The following AKAP19 variants were observed in gnomAD, a reference collection of about 807,000 sequenced individuals.
AKAP19 encodes small A-kinase anchoring protein.
At chr2:189,900,655 C>T in the AKAP19 span, among the ~76,000 whole-genome samples, 3 of 151,960 alleles carry the variant, frequency 2.0e-5, no homozygotes, top group Non-Finnish European at 4.4e-5. Context: ...TTTGTTAGAA[C>T]TACTATACTG....
At chr2:189,891,523 G>A in the AKAP19 span, among the ~76,000 whole-genome samples, 4 of 151,938 alleles carry the variant, frequency 2.6e-5, no homozygotes, top group East Asian at 1.9e-4. Context: ...AAACCCGGCC[G>A]AAAATTCTTT....
the AKAP19 span, among the ~76,000 whole-genome samples, chr2:190,125,579 G>C: frequency 1.3e-5 from 2 of 152,172 alleles, no homozygotes; most frequent in Non-Finnish European, 2.9e-5. Flanking sequence ...TGCTGGAATA[G>C]TGAATTGTCT....
the AKAP19 span, among the ~76,000 whole-genome samples, chr2:189,942,145 C>T: frequency 2.0e-5 from 3 of 152,184 alleles, no homozygotes; most frequent in Non-Finnish European, 4.4e-5. Context: ...ATCTCCCATG[C>T]TGGCGGGGAG....
the AKAP19 span, among the ~76,000 whole-genome samples, chr2:189,898,014 C>A: frequency 6.6e-6 from 1 of 151,970 alleles, no homozygotes; most frequent in African/African-American, 2.4e-5. Context: ...TTGAGACCAG[C>A]CAGGGCAACA....
chr2:189,991,497 T>C, the AKAP19 span, among the ~76,000 whole-genome samples: 2 of 152,216 alleles, frequency 1.3e-5, no homozygotes, highest in Non-Finnish European at 2.9e-5. Context: ...TATATCTCTT[T>C]TGAGAACTGT....
At chr2:189,963,963 C>T in the AKAP19 span, among the ~76,000 whole-genome samples, 1 of 152,106 alleles carries the variant, frequency 6.6e-6, no homozygotes, top group Non-Finnish European at 1.5e-5. Context: ...AGGCTTTTGC[C>T]ATGTTGGTCT....
chr2:189,974,260 T>C, the AKAP19 span, among the ~76,000 whole-genome samples: 2 of 152,244 alleles, frequency 1.3e-5, no homozygotes, highest in African/African-American at 2.4e-5. Context: ...CAGGAGCAGG[T>C]TGTTCAGTTT....
At chr2:190,176,668 A>C in the AKAP19 span, among the ~76,000 whole-genome samples, 1 of 151,796 alleles carries the variant, frequency 6.6e-6, no homozygotes, top group African/African-American at 2.4e-5. The surrounding 1 kb of genome is among the most constrained non-coding windows in gnomAD (Gnocchi z 4.7). Context: ...TTTCATACCC[A>C]CTCCTAGTTC....
the AKAP19 span, among the ~76,000 whole-genome samples, chr2:189,978,063 C>T: frequency 6.6e-6 from 1 of 152,134 alleles, no homozygotes; most frequent in African/African-American, 2.4e-5. Flanking sequence ...CTAGGCTAAG[C>T]TATCCTATTT....
the AKAP19 span, among the ~76,000 whole-genome samples, chr2:190,074,699 T>C: frequency 3.3e-5 from 5 of 151,216 alleles, no homozygotes; most frequent in Admixed American, 6.6e-5. Context: ...TCAAATCATA[T>C]AGGAAAACTA....
chr2:189,932,128 C>A, the AKAP19 span, among the ~76,000 whole-genome samples: 1 of 151,982 alleles, frequency 6.6e-6, no homozygotes, highest in African/African-American at 2.4e-5. Context: ...TCCATGTGAC[C>A]AACAAGACCA....
the AKAP19 span, among the ~76,000 whole-genome samples, chr2:189,911,205 T>A: frequency 1.3e-5 from 2 of 152,070 alleles, no homozygotes; most frequent in Non-Finnish European, 2.9e-5. Context: ...CACTTTGGGA[T>A]TTTTGAAGTT....
At chr2:189,948,612 C>T in the AKAP19 span, among the ~76,000 whole-genome samples, 71 of 152,272 alleles carry the variant, frequency 4.7e-4, no homozygotes, top group Non-Finnish European at 9.3e-4. Context: ...TATGTTACTA[C>T]ATTAAACTTA....
the AKAP19 span, among the ~76,000 whole-genome samples, chr2:190,027,438 T>G: frequency 4.6e-4 from 70 of 152,286 alleles, no homozygotes; most frequent in African/African-American, 1.6e-3. Context: ...TGGTTTCCAT[T>G]TAAGTGGGAG....
chr2:190,045,837 A>G, the AKAP19 span, among the ~76,000 whole-genome samples: 2 of 152,158 alleles, frequency 1.3e-5, no homozygotes, highest in African/African-American at 4.8e-5. Flanking sequence ...CTTTTGTCAG[A>G]AAGCCTGAGT....
chr2:190,054,832 G>A, the AKAP19 span, among the ~76,000 whole-genome samples: 2 of 152,156 alleles, frequency 1.3e-5, no homozygotes, highest in East Asian at 1.9e-4. Context: ...GAAACAACAG[G>A]TGCTGGAGAG....
the AKAP19 span, among the ~76,000 whole-genome samples, chr2:190,069,136 A>ATGTGTGTGTGTGTGTGTG: frequency 1.6e-5 from 2 of 127,674 alleles, no homozygotes; most frequent in African/African-American, 6.0e-5. Context: ...GTGCATGCAT[A>ATGTGTGTGTGTGTGTGTG]TGTGTGTGTG....
the AKAP19 span, among the ~76,000 whole-genome samples, chr2:190,068,531 A>G: frequency 6.6e-6 from 1 of 152,144 alleles, no homozygotes; most frequent in South Asian, 2.1e-4. Context: ...GCGTTTTGCC[A>G]TGTTGGCTAG....
the AKAP19 span, among the ~76,000 whole-genome samples, chr2:190,091,563 A>ACACACACACACACACACAC: frequency 9.9e-5 from 1 of 10,066 alleles, no homozygotes; most frequent in African/African-American, 3.1e-4. Flanking sequence ...CACACACACA[A>ACACACACACACACACACAC]GTAGCCCAAA....
Sources: allele counts gnomAD v4.1 joint callset (sites outside exome capture counted in the v4.1 genomes callset), GRCh38; gene constraint gnomAD v4.1.1; non-coding constraint Gnocchi (gnomAD v3.1); transcripts MANE v1.5; gene names NCBI Gene and HGNC (gene_info 2026-07-23, HGNC 2026-07-21).